The following BCAS3 variants were observed in gnomAD, a reference collection of about 807,000 sequenced individuals.
BCAS3 encodes the protein BCAS4/BCAS3 fusion.
In BCAS3, 53 loss-of-function variants were observed where a neutral mutation model predicts 116.1. The observed-to-expected ratio is 0.46, with a 90% CI of 0.37 to 0.57. The LOEUF (loss-of-function observed/expected upper bound fraction) is 0.57. Among genes scored for constraint, BCAS3 ranks in the 20% least tolerant of loss-of-function variants. The probability of loss-of-function intolerance (pLI) is 0.00; values close to 1 mark genes in which losing one functional copy is unlikely to be tolerated. For synonymous variants in BCAS3, 391 were observed against 408.2 expected (o/e 0.96, Z 0.51); for missense variants, 917 against 1,165.4 (o/e 0.79, Z 3.10).
rs1464780884 is a variant in BCAS3 at position 60,814,332 on chromosome 17, T to C, written c.476+6256T>C. ...GCGCGCGTGCCCATTGCAAATGGGA[T>C]TGCATTCTTGATTTAGCTCTCAGTT... On this transcript the variant is annotated intron_variant, in intron 7 of 23. Coordinates refer to ENST00000407086, the MANE Select transcript of BCAS3 (RefSeq NM_017679.5). Among the ~76,000 whole-genome samples the C allele has an allele frequency of 2.1e-5, 3 of 144,866 alleles. No individual in the cohort carries two copies. In the South Asian group the frequency reaches 6.3e-4, roughly 30 times the overall value.
chr17:61,204,738 T>C lies in BCAS3; in HGVS notation c.2425+120174T>C, dbSNP rs1316318682. On this transcript the variant is annotated intron_variant, in intron 22 of 23. Transcript: ENST00000407086. The surrounding 1 kb of genome is among the most constrained non-coding windows in gnomAD (Gnocchi z 4.2). The stretch of plus-strand genomic sequence containing the variant: ...CTGCCTTGGAACTTATTAATAAGCA[T>C]TTAGAAAAACTCGACAAAAAATTAA... Among the ~76,000 whole-genome samples the C allele has an allele frequency of 2.0e-5, 3 of 152,046 alleles. No homozygotes were observed. The highest frequency in any genetic ancestry group is 4.4e-5 in the Non-Finnish European group (3 of 67,994).
intron 2 of BCAS3, 42 bp from the exon 3 acceptor site, chr17:60,683,940 T>C: frequency 6.6e-7 from 1 of 1,525,958 alleles, no homozygotes; most frequent in Non-Finnish European, 9.1e-7. Context: ...TGTTCTATAT[T>C]AAGCTCTCCT....
chr17:60,678,860 A>T (rs532591078), intron 1 of BCAS3, among the ~76,000 whole-genome samples: 8 of 152,308 alleles, frequency 5.3e-5, no homozygotes, highest in African/African-American at 1.9e-4. Context: ...ATTTATGTTA[A>T]CAACAGACCA....
intron 22 of BCAS3, among the ~76,000 whole-genome samples, chr17:61,089,919 G>A (rs1268882076): frequency 2.0e-5 from 3 of 152,064 alleles, no homozygotes; most frequent in Non-Finnish European, 2.9e-5. Context: ...TTTCTTAAAG[G>A]CTGTCAGAGG....
At position 60,799,520 on chromosome 17, in the gene BCAS3, G is replaced by GTTTTTTTT. The variant is rs200098763; in HGVS notation, c.404-8481_404-8480insTTTTTTTT. Reference sequence around the variant, plus strand: ...AATATGTAAGTTTTTTGAGATTAGTGTTTGTTTTTTTTTTTTTTTTTTTTT... The same window carrying GTTTTTTTT: ...AATATGTAAGTTTTTTGAGATTAGTGTTTTTTTTTTTGTTTTTTTTTTTTTTTTTTTTT... On this transcript the variant is annotated intron_variant, in intron 6 of 23. Transcript: ENST00000407086. 8.7e-4 allele frequency among the ~76,000 whole-genome samples: 102 copies of GTTTTTTTT among 117,642 alleles called. 21 individuals carry two copies. Among genetic ancestry groups the GTTTTTTTT allele is most frequent in the Middle Eastern group, 4.3e-3 (1 of 230 alleles). The allele number at this position is 117,642 out of a possible 152,430, so 77.2% of individuals were successfully genotyped here.
rs926402934 is a variant in BCAS3, at chr17:61,126,547, T to A, written c.2425+41983T>A. ...GGATTATGTCTGTTTTATAAAGATG[T>A]GTTTATATAGTCATTGGGTGAAAGA... On this transcript the variant is annotated intron_variant, in intron 22 of 23. Transcript: ENST00000407086. This position sits in a 1 kb window ranked among gnomAD's most constrained non-coding sequence, Gnocchi z 4.6. Among the ~76,000 whole-genome samples, 1 of 152,174 alleles carries A rather than the reference T, an allele frequency of 6.6e-6. No homozygotes were observed. The highest frequency in any genetic ancestry group is 2.4e-5 in the African/African-American group (1 of 41,454).
intron 22 of BCAS3, among the ~76,000 whole-genome samples, chr17:61,257,900 T>C (rs939581675): frequency 6.6e-6 from 1 of 152,192 alleles, no homozygotes; most frequent in Non-Finnish European, 1.5e-5. Flanking sequence ...CCATTTTCAC[T>C]CTGGTTCAAA....
At position 60,687,834 on chromosome 17, in the gene BCAS3, C is replaced by A. The variant is rs546665458; in HGVS notation, c.139-1852C>A. On this transcript the variant is annotated intron_variant, in intron 3 of 23. Transcript: ENST00000407086. ...TTCAGTTGTCTTCCCAGAATTTTCT[C>A]AAAAATTCTGAGTAAAAAACACCAT... Among the ~76,000 whole-genome samples, 3 of 152,150 alleles carry A rather than the reference C, an allele frequency of 2.0e-5. No homozygotes were observed. In the East Asian group the frequency reaches 5.8e-4, roughly 29 times the overall value.
intron 5 of BCAS3, among the ~76,000 whole-genome samples, chr17:60,738,219 A>G (rs1179483719): frequency 6.6e-6 from 1 of 152,260 alleles, no homozygotes. Flanking sequence ...AGTTATATCC[A>G]GTTGACTGAT....
Position 61,013,936 on chromosome 17 carries a change from G to T in BCAS3, c.1487-1815G>T, listed in dbSNP as rs756394723. Among the ~76,000 whole-genome samples, 41 of 152,036 alleles carry T rather than the reference G, an allele frequency of 2.7e-4. 1 individual carries two copies. The highest frequency in any genetic ancestry group is 8.8e-5 in the Non-Finnish European group (6 of 67,970). On this transcript the variant is annotated intron_variant, in intron 15 of 23. Coordinates refer to ENST00000407086, the MANE Select transcript of BCAS3 (RefSeq NM_017679.5). The surrounding 1 kb of genome is among the most constrained non-coding windows in gnomAD (Gnocchi z 4.4). ...TCAGGCTACCATTAGATACTGTGTG[G>T]TAGTTCTCCCTCTATCCTGAATCCA...
chr17:61,209,175 A>C (rs995233651), intron 22 of BCAS3, among the ~76,000 whole-genome samples: 3 of 88,784 alleles, frequency 3.4e-5, no homozygotes, highest in African/African-American at 1.0e-4. Flanking sequence ...CCGAAACAAC[A>C]GCTAGTGAAA....
chr17:61,209,376 TA>T (rs2144323818), intron 22 of BCAS3, among the ~76,000 whole-genome samples: 1 of 152,290 alleles, frequency 6.6e-6, no homozygotes, highest in South Asian at 2.1e-4. Flanking sequence ...ATTATCTGAA[TA>T]ATTAATGTAT....
chr17:60,984,718 G>A (rs2063018478), intron 14 of BCAS3, among the ~76,000 whole-genome samples: 1 of 151,980 alleles, frequency 6.6e-6, no homozygotes, highest in South Asian at 2.1e-4. Flanking sequence ...TACATGAAAT[G>A]TTTTGTTTTA....
chr17:60,932,025 A>G (rs918696506), intron 13 of BCAS3, among the ~76,000 whole-genome samples: 1 of 152,126 alleles, frequency 6.6e-6, no homozygotes, highest in African/African-American at 2.4e-5. Context: ...GTGAGCTGAG[A>G]TCGCGCCACT....
chr17:61,207,537 A>G (rs1818384842), intron 22 of BCAS3, among the ~76,000 whole-genome samples: 1 of 151,882 alleles, frequency 6.6e-6, no homozygotes, highest in Admixed American at 6.6e-5. Flanking sequence ...GCTGTTTCCC[A>G]TGGCATTCTA....
At position 61,324,564 on chromosome 17, in the gene BCAS3, C is replaced by T. The variant is rs1272794266; in HGVS notation, c.2426-43763C>T. 6.6e-6 allele frequency among the ~76,000 whole-genome samples: 1 copy of T among 152,186 alleles called. No individual in the cohort carries two copies. Among genetic ancestry groups the T allele is most frequent in the African/African-American group, 2.4e-5 (1 of 41,456 alleles). On this transcript the variant is annotated intron_variant, in intron 22 of 23. Coordinates refer to ENST00000407086, the MANE Select transcript of BCAS3 (RefSeq NM_017679.5). This position sits in a 1 kb window ranked among gnomAD's most constrained non-coding sequence, Gnocchi z 4.6. ...TTAAAAAATCAAACTGAAATCGCCT[C>T]CAAAAGGAAGGCAGCACTGAATGAC...
intron 9 of BCAS3, among the ~76,000 whole-genome samples, chr17:60,888,317 GATT>G (rs1241646316): frequency 6.6e-6 from 1 of 152,116 alleles, no homozygotes; most frequent in Non-Finnish European, 1.5e-5. Context: ...TTGAGAGTTA[GATT>G]ATTTAGTTTT....
At position 61,204,933 on chromosome 17, in the gene BCAS3, T is replaced by C. The variant is rs2144301285; in HGVS notation, c.2425+120369T>C. Among the ~76,000 whole-genome samples the C allele has an allele frequency of 6.6e-6, 1 of 152,194 alleles. No homozygotes were observed. The highest frequency in any genetic ancestry group is 2.1e-4 in the South Asian group (1 of 4,820). Reference sequence around the variant, plus strand: ...CTGGCGTGGCGGCACATACCTGTAGTCCCAGCTACTCAGGAGGCTGAAGTG... The same window carrying C: ...CTGGCGTGGCGGCACATACCTGTAGCCCCAGCTACTCAGGAGGCTGAAGTG... On this transcript the variant is annotated intron_variant, in intron 22 of 23. Transcript: ENST00000407086. This position sits in a 1 kb window ranked among gnomAD's most constrained non-coding sequence, Gnocchi z 4.2.
Position 61,028,974 on chromosome 17 carries a change from G to C in BCAS3, c.1638-5692G>C, listed in dbSNP as rs187958025. On this transcript the variant is annotated intron_variant, in intron 16 of 23. Transcript: ENST00000407086. This position sits in a 1 kb window ranked among gnomAD's most constrained non-coding sequence, Gnocchi z 4.3. ...TAAATTTGACAACTTCTTCCATTTT[G>C]TTTATAAGAGCTCCTTTGTTTTAAT... 6.6e-6 allele frequency among the ~76,000 whole-genome samples: 1 copy of C among 151,732 alleles called. No homozygotes were observed. Among genetic ancestry groups the C allele is most frequent in the South Asian group, 2.1e-4 (1 of 4,828 alleles).
Sources: gnomAD v4.1 joint callset for allele counts (sites outside exome capture counted in the v4.1 genomes callset) on GRCh38, gnomAD v4.1.1 for gene constraint, Gnocchi (gnomAD v3.1) non-coding constraint, MANE v1.5 for transcripts, NCBI Gene and HGNC (gene_info 2026-07-23, HGNC 2026-07-21) for gene names.